The following IRF6 variants were observed in gnomAD, a reference collection of about 807,000 sequenced individuals.
IRF6 encodes Van der Woude syndrome.
IRF6 carries 6 observed loss-of-function variants against 51.4 expected under a neutral mutation model. The observed-to-expected ratio is 0.12, with a 90% CI of 0.06 to 0.23. The LOEUF (loss-of-function observed/expected upper bound fraction) is 0.23, where lower values mean the gene tolerates loss of function less well. Ranked by LOEUF, IRF6 falls within the 10% of genes least tolerant of loss-of-function variation. The probability of loss-of-function intolerance (pLI) is 1.00; values close to 1 mark genes in which losing one functional copy is unlikely to be tolerated. For synonymous variants in IRF6, 178 were observed against 215.7 expected (o/e 0.83, Z 1.53); for missense variants, 348 against 585.2 (o/e 0.59, Z 4.18).
In IRF6 at chr1:209,789,781, G is replaced by A. The variant is rs1317826948; in HGVS notation, c.1065C>T (p.Leu355=). Residue 355 remains leucine (L), a synonymous_variant, in exon 8 of 9, where the codon CTC becomes CTT. Coordinates refer to ENST00000367021, the MANE Select transcript of IRF6 (RefSeq NM_006147.4). The stretch of plus-strand genomic sequence containing the variant: ...CTATCTGTCCTTTCTGGTGGGCAAT[G>A]AGATCTGCAGAAAGTGGAAGAGCAA... ...LFCLETFLSD[L]IAHQKGQIEK... is the part of the protein sequence containing the mutation. 1 of 1,610,372 alleles carries A rather than the reference G, an allele frequency of 6.2e-7. No individual in the cohort carries two copies. The highest frequency in any genetic ancestry group is 8.5e-7 in the Non-Finnish European group (1 of 1,176,972).
chr1:209,788,345 G>C lies in IRF6; in HGVS notation c.*75C>G. 1 of 961,566 alleles carries C rather than the reference G, an allele frequency of 1.0e-6. No individual in the cohort carries two copies. The highest frequency in any genetic ancestry group is 1.6e-6 in the Non-Finnish European group (1 of 613,246). 59.6% of individuals were successfully genotyped at this position (961,566 alleles called of 1,614,324 possible). ...TAGAGAAAAGAGAGATTTAAAAGCTGGTTAAATCTAAACAATAAAAAAATC... is the reference window on the plus strand; with the variant it reads ...TAGAGAAAAGAGAGATTTAAAAGCTCGTTAAATCTAAACAATAAAAAAATC... On this transcript the variant is annotated 3_prime_UTR_variant, in exon 9 of 9. Transcript: ENST00000367021.
chr1:209,799,764 G>A (rs1478813741), intron 3 of IRF6, among the ~76,000 whole-genome samples: 5 of 152,226 alleles, frequency 3.3e-5, no homozygotes, highest in African/African-American at 7.2e-5. Flanking sequence ...AGATGGGCCC[G>A]TGCCCTTCTC....
At chr1:209,801,183 C>CAAAAAA (rs35878470) in intron 3 of IRF6, 57 bp downstream of exon 3, 20 of 1,045,992 alleles carry the variant, frequency 1.9e-5, no homozygotes, top group African/African-American at 1.4e-4. Flanking sequence ...TTCCCCATGC[C>CAAAAAA]AAAAAAAAAA....
intron 7 of IRF6, among the ~76,000 whole-genome samples, 178 bp from the exon 8 acceptor site, chr1:209,789,963 T>G (rs564607837): frequency 3.9e-5 from 6 of 152,262 alleles, no homozygotes; most frequent in African/African-American, 7.2e-5. Context: ...TAGCCACATA[T>G]GGCTTGTGAC....
At chr1:209,795,561 G>T in intron 4 of IRF6, 143 bp from the exon 5 acceptor site, 1 of 1,288,448 alleles carries the variant, frequency 7.8e-7, no homozygotes, top group East Asian at 2.5e-5. Context: ...GCTAAAAAGA[G>T]TGAGAATCAA....
At position 209,790,408 on chromosome 1, in the gene IRF6, A is replaced by G. The variant is rs2077861939; in HGVS notation, c.1060+87T>C. The G allele has an allele frequency of 6.8e-7, 1 of 1,472,614 alleles. No homozygotes were observed. The highest frequency in any genetic ancestry group is 1.4e-5 in the African/African-American group (1 of 71,872). 91.2% of individuals were successfully genotyped at this position (1,472,614 alleles called of 1,614,324 possible). A position where few individuals can be genotyped will look rare whatever the true frequency, so the allele number is the denominator to read the frequency against. ...TTTTAAGATCTTTGCCATGCCAGGA[A>G]AGCAGGAAGGTGAAAGACAGGGATA... is the stretch of plus-strand genomic sequence containing the variant. On this transcript the variant is annotated intron_variant, in intron 7 of 8. Transcript: ENST00000367021. The surrounding 1 kb of genome is among the most constrained non-coding windows in gnomAD (Gnocchi z 4.8).
intron 6 of IRF6, chr1:209,791,111 T>C: frequency 2.1e-6 from 2 of 943,740 alleles, no homozygotes; most frequent in Non-Finnish European, 1.3e-6. Context: ...ATCTCAACTA[T>C]TTCTGTTCAA....
In IRF6 at chr1:209,788,287, C is replaced by T. The variant is rs140076469; in HGVS notation, c.*133G>A. Reference sequence around the variant, plus strand: ...AAATTAAATCAGCTTTAAATCTAGGCATATTTGGAGAATCACAAACTTCTA... The same window carrying T: ...AAATTAAATCAGCTTTAAATCTAGGTATATTTGGAGAATCACAAACTTCTA... On this transcript the variant is annotated 3_prime_UTR_variant, in exon 9 of 9. Coordinates refer to ENST00000367021, the MANE Select transcript of IRF6 (RefSeq NM_006147.4). 1.2e-5 allele frequency: 8 copies of T among 665,206 alleles called. No individual in the cohort carries two copies. The highest frequency in any genetic ancestry group is 3.6e-5 in the African/African-American group (2 of 55,012). 41.2% of individuals were successfully genotyped at this position (665,206 alleles called of 1,614,324 possible). A position where few individuals can be genotyped will look rare whatever the true frequency, so the allele number is the denominator to read the frequency against.
chr1:209,793,222 T>C (rs1382975142), intron 5 of IRF6: 2 of 152,208 alleles, frequency 1.3e-5, no homozygotes. Flanking sequence ...GACCCTTTTT[T>C]TTAGATCATG....
Position 209,788,372 on chromosome 1 carries a change from A to G in IRF6, c.*48T>C, listed in dbSNP as rs1228273423. ...TTAAATCTAAACAATAAAAAAATCC[A>G]TATGTACAATATTATAAAAAAGAGA... On this transcript the variant is annotated 3_prime_UTR_variant, in exon 9 of 9. Transcript: ENST00000367021. 3 of 1,232,270 alleles carry G rather than the reference A, an allele frequency of 2.4e-6. No homozygotes were observed. Among genetic ancestry groups the G allele is most frequent in the Non-Finnish European group, 1.2e-6 (1 of 839,352 alleles). The allele number at this position is 1,232,270 out of a possible 1,614,324, so 76.3% of individuals were successfully genotyped here. A position where few individuals can be genotyped will look rare whatever the true frequency, so the allele number is the denominator to read the frequency against.
At chr1:209,792,511 T>C in intron 5 of IRF6, 84 bp from the exon 6 acceptor site, 3 of 1,462,614 alleles carry the variant, frequency 2.1e-6, no homozygotes, top group Non-Finnish European at 2.8e-6. Context: ...ACAAGGTCAG[T>C]AGACAAGAAC....
chr1:209,805,076 G>A (rs1435650265), intron 1 of IRF6, among the ~76,000 whole-genome samples: 3 of 152,242 alleles, frequency 2.0e-5, no homozygotes, highest in African/African-American at 4.8e-5. Context: ...AAGGTATTGA[G>A]TGCCACTGTC....
Position 209,796,627 on chromosome 1 carries a change from A to G in IRF6, c.175-75T>C. On this transcript the variant is annotated intron_variant, in intron 3 of 8. Coordinates refer to ENST00000367021, the MANE Select transcript of IRF6 (RefSeq NM_006147.4). This position sits in a 1 kb window ranked among gnomAD's most constrained non-coding sequence, Gnocchi z 4.5. ...AAAGCATGTGCTTACCCTTTCTCAT[A>G]GACACAAACACACACACACACACAC... 1 of 903,408 alleles carries G rather than the reference A, an allele frequency of 1.1e-6. No individual in the cohort carries two copies. Among genetic ancestry groups the G allele is most frequent in the Non-Finnish European group, 1.8e-6 (1 of 569,642 alleles). 56.0% of individuals were successfully genotyped at this position (903,408 alleles called of 1,614,324 possible). A position where few individuals can be genotyped will look rare whatever the true frequency, so the allele number is the denominator to read the frequency against.
chr1:209,792,583 C>T lies in IRF6; in HGVS notation c.509-156G>A, dbSNP rs1014893424. The stretch of plus-strand genomic sequence containing the variant: ...CCATCAGTGATTCCCATAACTAACG[C>T]AATAAGAAATAAGGTTCCCCTGCTC... On this transcript the variant is annotated intron_variant, in intron 5 of 8. Coordinates refer to ENST00000367021, the MANE Select transcript of IRF6 (RefSeq NM_006147.4). 1.1e-5 allele frequency: 8 copies of T among 725,256 alleles called. No individual in the cohort carries two copies. In the East Asian group the frequency reaches 2.2e-4, roughly 20 times the overall value. The allele number at this position is 725,256 out of a possible 1,614,324, so 44.9% of individuals were successfully genotyped here.
chr1:209,795,921 T>C (rs1194237751), intron 4 of IRF6, among the ~76,000 whole-genome samples: 2 of 152,218 alleles, frequency 1.3e-5, no homozygotes, highest in Admixed American at 1.3e-4. Context: ...ATAGGAAAGC[T>C]GAGATCCCAT....
chr1:209,795,222 G>C lies in IRF6; in HGVS notation c.508+68C>G, dbSNP rs1018422383. On this transcript the variant is annotated intron_variant, in intron 5 of 8. Coordinates refer to ENST00000367021, the MANE Select transcript of IRF6 (RefSeq NM_006147.4). The stretch of plus-strand genomic sequence containing the variant: ...TCAGGGCAGTGGTGGCCAATGTATT[G>C]ACAGTCCCAAGGTCAAAACTCCTTA... 4.0e-5 allele frequency: 62 copies of C among 1,566,542 alleles called. No homozygotes were observed. In the Middle Eastern group the frequency reaches 8.4e-4, roughly 21 times the overall value.
chr1:209,799,036 T>C (rs1404464012), intron 3 of IRF6, among the ~76,000 whole-genome samples: 1 of 152,044 alleles, frequency 6.6e-6, no homozygotes, highest in Non-Finnish European at 1.5e-5. Context: ...GAGATTCTGA[T>C]CACTGTGCAG....
At chr1:209,805,344 C>T (rs2077967222) in intron 1 of IRF6, among the ~76,000 whole-genome samples, 2 of 152,216 alleles carry the variant, frequency 1.3e-5, no homozygotes, top group African/African-American at 2.4e-5. Flanking sequence ...CCTCCAGCCC[C>T]TTCGGGCAAA....
At chr1:209,801,134 G>A (rs1255004448) in intron 3 of IRF6, 106 bp downstream of exon 3, 11 of 1,005,152 alleles carry the variant, frequency 1.1e-5, no homozygotes, top group Admixed American at 8.9e-5. Flanking sequence ...CCCATCATAA[G>A]CATTCTCTCT....
Sources: allele counts gnomAD v4.1 joint callset (sites outside exome capture counted in the v4.1 genomes callset), GRCh38; gene constraint gnomAD v4.1.1; non-coding constraint Gnocchi (gnomAD v3.1); transcripts MANE v1.5; gene names NCBI Gene and HGNC (gene_info 2026-07-23, HGNC 2026-07-21).